Variants in PNPLA8 observed in about 807,000 individuals in gnomAD.
The protein encoded by PNPLA8 is patatin like domain 8, phospholipase A2.
In PNPLA8, 39 loss-of-function variants were observed where a neutral mutation model predicts 76.9. That is an observed-to-expected ratio of 0.51 (90% CI 0.39 to 0.66). The LOEUF is 0.66. Among genes scored for constraint, PNPLA8 ranks in the 30% least tolerant of loss-of-function variants. The pLI, the probability that PNPLA8 is intolerant of heterozygous loss-of-function variation, is 0.00. For synonymous variants in PNPLA8, 301 were observed against 307.9 expected (o/e 0.98, Z 0.24); for missense variants, 887 against 918.0 (o/e 0.97, Z 0.44).
rs201754783 is a variant in PNPLA8 at position 108,502,550 on chromosome 7, A to G, written c.1299T>C (p.Tyr433=). Reference sequence around the variant, plus strand: ...TTCCTCTCCCTTTCACTGGATCCACATAGCCAATTAGGGCCAAAATTTCTC... The same window carrying G: ...TTCCTCTCCCTTTCACTGGATCCACGTAGCCAATTAGGGCCAAAATTTCTC... ...AVREILALIG[Y]VDPVKGRGIR... The change falls in exon 5 of 11, where the codon TAT becomes TAC. Residue 433 remains tyrosine, a synonymous_variant. Coordinates refer to ENST00000257694, the MANE Select transcript of PNPLA8 (RefSeq NM_001256007.3). The G allele has an allele frequency of 1.9e-6, 3 of 1,612,872 alleles. No individual in the cohort carries two copies. Among genetic ancestry groups the G allele is most frequent in the Non-Finnish European group, 2.5e-6 (3 of 1,179,278 alleles).
intron 4 of PNPLA8, among the ~76,000 whole-genome samples, chr7:108,505,207 T>C (rs1008516966): frequency 6.8e-6 from 1 of 147,594 alleles, no homozygotes; most frequent in African/African-American, 2.5e-5. Context: ...TCAGGACTTC[T>C]GACACACACC....
intron 1 of PNPLA8, among the ~76,000 whole-genome samples, chr7:108,522,795 T>C (rs1863837013): frequency 6.6e-6 from 1 of 152,196 alleles, no homozygotes; most frequent in East Asian, 1.9e-4. Context: ...CCTATCAACT[T>C]GGCATTAAAA....
intron 4 of PNPLA8, among the ~76,000 whole-genome samples, chr7:108,503,581 TCAA>T (rs1013316072): frequency 3.8e-4 from 58 of 152,216 alleles, no homozygotes; most frequent in African/African-American, 1.3e-3. Flanking sequence ...AACGCTCACA[TCAA>T]CAACAAGAAA....
chr7:108,516,889 C>A (rs1247124304), intron 2 of PNPLA8, among the ~76,000 whole-genome samples: 2 of 150,642 alleles, frequency 1.3e-5, no homozygotes, highest in Non-Finnish European at 3.0e-5. Context: ...GTGATAGAGC[C>A]AGGCTTTGTC....
At chr7:108,490,278 T>C (rs1861049229) in intron 8 of PNPLA8, among the ~76,000 whole-genome samples, 1 of 151,646 alleles carries the variant, frequency 6.6e-6, no homozygotes, top group African/African-American at 2.4e-5. Context: ...GTACACTCTA[T>C]AACACAGGTT....
At chr7:108,491,339 C>T in intron 8 of PNPLA8, 71 bp downstream of exon 8, 2 of 868,222 alleles carry the variant, frequency 2.3e-6, no homozygotes, top group East Asian at 2.4e-5. Flanking sequence ...ATAAAATGGC[C>T]CTCAGGACAA....
At chr7:108,520,370 T>TA (rs1356526419) in intron 2 of PNPLA8, among the ~76,000 whole-genome samples, 3 of 151,846 alleles carry the variant, frequency 2.0e-5, no homozygotes, top group East Asian at 1.9e-4. Flanking sequence ...ATGTAGGAGC[T>TA]AAAAAAAATT....
Position 108,496,674 on chromosome 7 carries a change from T to A in PNPLA8, c.1535A>T (p.Asp512Val), listed in dbSNP as rs1394200677. The A allele has an allele frequency of 1.2e-6, 2 of 1,612,178 alleles. No individual in the cohort carries two copies. Among genetic ancestry groups the A allele is most frequent in the Non-Finnish European group, 1.7e-6 (2 of 1,178,738 alleles). ...CEELYRKLGS[D>V]VFSQNVIVGT... ...AACAATGACATTTTGTGAAAATACA[T>A]CTGATCCTAATTTTCGATAAAGTTC... The change falls in exon 7 of 11, where the codon GAT becomes GTT. Residue 512 changes from aspartate to valine, a missense_variant. Coordinates refer to ENST00000257694, the MANE Select transcript of PNPLA8 (RefSeq NM_001256007.3).
chr7:108,515,620 AT>A, intron 2 of PNPLA8, 46 bp from the exon 3 acceptor site: 1 of 1,163,310 alleles, frequency 8.6e-7, no homozygotes, highest in Non-Finnish European at 1.1e-6. Flanking sequence ...AAAAATTGAA[AT>A]TGGGTATAAC....
intron 1 of PNPLA8, among the ~76,000 whole-genome samples, chr7:108,522,172 T>G (rs192901736): frequency 6.6e-6 from 1 of 151,988 alleles, no homozygotes; most frequent in East Asian, 1.9e-4. Flanking sequence ...TACGTGACTA[T>G]AGTCCCAGCT....
In PNPLA8 at chr7:108,472,314, A is replaced by T; in HGVS notation, c.*87T>A. On this transcript the variant is annotated 3_prime_UTR_variant, in exon 11 of 11. Coordinates refer to ENST00000257694, the MANE Select transcript of PNPLA8 (RefSeq NM_001256007.3). ...CAGAATTCATACGTATTTCAAAGTT[A>T]ACTCATGTCGAACCCCACAATTCCT... 1 of 918,304 alleles carries T rather than the reference A, an allele frequency of 1.1e-6. No individual in the cohort carries two copies. The highest frequency in any genetic ancestry group is 1.7e-6 in the Non-Finnish European group (1 of 605,974). The allele number at this position is 918,304 out of a possible 1,614,324, so 56.9% of individuals were successfully genotyped here.
At chr7:108,514,103 C>G (rs765337690) in intron 4 of PNPLA8, 41 bp downstream of exon 4, 1 of 1,411,520 alleles carries the variant, frequency 7.1e-7, no homozygotes, top group Admixed American at 2.1e-5. Flanking sequence ...TTTAGTACTT[C>G]TATTCCAAGA....
intron 4 of PNPLA8, among the ~76,000 whole-genome samples, chr7:108,509,962 A>G (rs40864): frequency 0.61 from 77,172 of 127,544 alleles, 23,243 homozygotes; most frequent in African/African-American, 0.72. Flanking sequence ...TCACTCATAG[A>G]TGGGAATTGA....
At position 108,514,686 on chromosome 7, in the gene PNPLA8, G is replaced by C. The variant is rs200664415; in HGVS notation, c.806C>G (p.Pro269Arg). ...GSESVHTVDK[P>R]TSPSAIPDVL... ...ATCAGGTATCGCAGAAGGACTTGTAGGCTTGTCCACCGTATGTACAGATTC... is the reference window on the plus strand; with the variant it reads ...ATCAGGTATCGCAGAAGGACTTGTACGCTTGTCCACCGTATGTACAGATTC... The change falls in exon 3 of 11, where the codon CCT becomes CGT. Residue 269 changes from proline (P) to arginine (R), a missense_variant. Coordinates refer to ENST00000257694, the MANE Select transcript of PNPLA8 (RefSeq NM_001256007.3). 66 of 1,613,910 alleles carry C rather than the reference G, an allele frequency of 4.1e-5. No homozygotes were observed. The highest frequency in any genetic ancestry group is 5.9e-6 in the Non-Finnish European group (7 of 1,179,942).
chr7:108,481,781 TA>T (rs1401813149), intron 9 of PNPLA8, among the ~76,000 whole-genome samples: 1 of 152,222 alleles, frequency 6.6e-6, no homozygotes, highest in Non-Finnish European at 1.5e-5. Flanking sequence ...GTTTTTCTTC[TA>T]AAAGTTTCAT....
At chr7:108,511,555 A>T (rs1862935103) in intron 4 of PNPLA8, among the ~76,000 whole-genome samples, 1 of 152,204 alleles carries the variant, frequency 6.6e-6, no homozygotes, top group Non-Finnish European at 1.5e-5. Context: ...GAAGGCAGGT[A>T]CATCCAGAAA....
intron 8 of PNPLA8, among the ~76,000 whole-genome samples, chr7:108,489,812 A>G (rs896556611): frequency 2.0e-5 from 3 of 152,258 alleles, no homozygotes; most frequent in Non-Finnish European, 4.4e-5. Context: ...ATTTCTAGGC[A>G]CATAAATTCT....
At chr7:108,492,751 CA>C (rs1446743739) in intron 7 of PNPLA8, among the ~76,000 whole-genome samples, 3 of 152,000 alleles carry the variant, frequency 2.0e-5, no homozygotes, top group Admixed American at 6.5e-5. Flanking sequence ...AATGCTACGA[CA>C]AAAAAGGCCA....
chr7:108,524,801 CCAA>C (rs1863969787), intron 1 of PNPLA8, among the ~76,000 whole-genome samples: 1 of 152,214 alleles, frequency 6.6e-6, no homozygotes, highest in Admixed American at 6.5e-5. Flanking sequence ...AGAGAGACTC[CCAA>C]CAACAACAAA....
Sources: allele counts gnomAD v4.1 joint callset (sites outside exome capture counted in the v4.1 genomes callset), GRCh38; gene constraint gnomAD v4.1.1; transcripts MANE v1.5; gene names NCBI Gene and HGNC (gene_info 2026-07-23, HGNC 2026-07-21).